The following RCAN2 variants were observed in gnomAD, a reference collection of about 807,000 sequenced individuals.
RCAN2 encodes the protein calcipressin-2.
A neutral mutation model predicts 23.6 loss-of-function variants in RCAN2; 9 were observed. That is an observed-to-expected ratio of 0.38 (90% CI 0.23 to 0.67). The LOEUF (loss-of-function observed/expected upper bound fraction) is 0.67. RCAN2 is among the 30% of genes least tolerant of loss of function. The pLI is 0.51. For missense variants in RCAN2, 273 were observed against 302.3 expected (o/e 0.90, Z 0.72); for synonymous variants, 109 against 115.7 (o/e 0.94, Z 0.37).
intron 2 of RCAN2, among the ~76,000 whole-genome samples, chr6:46,289,694 T>C (rs1762482104): frequency 6.6e-6 from 1 of 152,158 alleles, no homozygotes; most frequent in Non-Finnish European, 1.5e-5. Flanking sequence ...AAAATTCTTA[T>C]AAATCTATAT....
chr6:46,396,483 G>A (rs895459695), intron 2 of RCAN2, among the ~76,000 whole-genome samples: 17 of 152,088 alleles, frequency 1.1e-4, no homozygotes, highest in Admixed American at 8.5e-4. Flanking sequence ...CCTACCATTC[G>A]CTGGCACTGT....
chr6:46,294,213 C>T (rs1315326159), intron 2 of RCAN2, among the ~76,000 whole-genome samples: 2 of 152,070 alleles, frequency 1.3e-5, no homozygotes, highest in African/African-American at 2.4e-5. Context: ...AGATGATTCA[C>T]GGAATTTAAA....
At chr6:46,395,338 C>G (rs1483421210) in intron 2 of RCAN2, among the ~76,000 whole-genome samples, 1 of 152,082 alleles carries the variant, frequency 6.6e-6, no homozygotes, top group Non-Finnish European at 1.5e-5. Context: ...GAGAAATCAA[C>G]AAAGGAGCAA....
chr6:46,322,267 A>G (rs1245968428), intron 2 of RCAN2, among the ~76,000 whole-genome samples: 2 of 152,234 alleles, frequency 1.3e-5, no homozygotes, highest in African/African-American at 2.4e-5. Flanking sequence ...CAGTTCCCCT[A>G]TAGCATTTTC....
intron 2 of RCAN2, among the ~76,000 whole-genome samples, chr6:46,337,541 T>C (rs565141682): frequency 4.6e-5 from 7 of 152,352 alleles, no homozygotes; most frequent in Middle Eastern, 3.4e-3. Flanking sequence ...CGTACCATAT[T>C]TGGACCTGAA....
intron 2 of RCAN2, among the ~76,000 whole-genome samples, chr6:46,453,220 CTG>C (rs1743794228): frequency 6.6e-6 from 1 of 151,582 alleles, no homozygotes; most frequent in African/African-American, 2.4e-5. Context: ...GTGTTGGACA[CTG>C]TGAAGATCAC....
intron 1 of RCAN2, among the ~76,000 whole-genome samples, chr6:46,490,823 C>G (rs1056859492): frequency 6.6e-6 from 1 of 152,142 alleles, no homozygotes; most frequent in Non-Finnish European, 1.5e-5. Context: ...GTCATCCTCG[C>G]TCCTTCACTT....
chr6:46,247,456 G>A (rs1367836654), intron 3 of RCAN2, among the ~76,000 whole-genome samples: 1 of 152,086 alleles, frequency 6.6e-6, no homozygotes, highest in Non-Finnish European at 1.5e-5. Context: ...CACCTTAAAG[G>A]AACTCCTCTG....
chr6:46,243,949 G>C (rs1218104734), intron 4 of RCAN2, among the ~76,000 whole-genome samples: 1 of 152,128 alleles, frequency 6.6e-6, no homozygotes, highest in Admixed American at 6.6e-5. Context: ...GCCAGCTGGC[G>C]GAGTGTGAAG....
At chr6:46,436,437 A>G (rs1214689988) in intron 2 of RCAN2, among the ~76,000 whole-genome samples, 1 of 151,844 alleles carries the variant, frequency 6.6e-6, no homozygotes, top group East Asian at 1.9e-4. Flanking sequence ...CTGGTTTCGA[A>G]CTCCTGACCT....
intron 2 of RCAN2, among the ~76,000 whole-genome samples, chr6:46,337,311 A>G (rs1764175859): frequency 6.6e-6 from 1 of 152,204 alleles, no homozygotes; most frequent in South Asian, 2.1e-4. Context: ...CTAGAAGCAG[A>G]TTCCTTTTCA....
chr6:46,398,704 G>C (rs1441791403), intron 2 of RCAN2, among the ~76,000 whole-genome samples: 3 of 152,022 alleles, frequency 2.0e-5, no homozygotes, highest in Non-Finnish European at 2.9e-5. Flanking sequence ...AAAATTTGCA[G>C]AATTTCCACT....
At chr6:46,247,306 C>A (rs539071377) in intron 3 of RCAN2, among the ~76,000 whole-genome samples, 26 of 152,304 alleles carry the variant, frequency 1.7e-4, no homozygotes, top group African/African-American at 6.3e-4. Context: ...TTCTCTCCTT[C>A]TCTCTTTTCC....
At chr6:46,420,107 T>C (rs1056309000) in intron 2 of RCAN2, among the ~76,000 whole-genome samples, 6 of 151,946 alleles carry the variant, frequency 3.9e-5, no homozygotes, top group Non-Finnish European at 5.9e-5. Context: ...AGTTTTCCTA[T>C]GAAGTTAGGA....
chr6:46,318,759 A>C (rs1185707446), intron 2 of RCAN2, among the ~76,000 whole-genome samples: 1 of 152,212 alleles, frequency 6.6e-6, no homozygotes, highest in African/African-American at 2.4e-5. Context: ...TTATACATAC[A>C]TTTGCACATG....
intron 2 of RCAN2, among the ~76,000 whole-genome samples, chr6:46,269,545 C>G (rs565311342): frequency 1.3e-5 from 2 of 152,332 alleles, no homozygotes; most frequent in African/African-American, 4.8e-5. Flanking sequence ...AGTTATGTAT[C>G]TTGCTGTTGG....
intron 1 of RCAN2, among the ~76,000 whole-genome samples, chr6:46,467,688 A>T (rs1768426838): frequency 6.6e-6 from 1 of 152,250 alleles, no homozygotes; most frequent in Non-Finnish European, 1.5e-5. Flanking sequence ...ACCATATGCA[A>T]TGTGGGAACC....
At chr6:46,366,457 C>T (rs1765174609) in intron 2 of RCAN2, among the ~76,000 whole-genome samples, 1 of 152,126 alleles carries the variant, frequency 6.6e-6, no homozygotes, top group Non-Finnish European at 1.5e-5. Flanking sequence ...TCCTTATTTC[C>T]AGTGACAAGG....
At chr6:46,382,401 A>G (rs1582157011) in intron 2 of RCAN2, among the ~76,000 whole-genome samples, 1 of 152,214 alleles carries the variant, frequency 6.6e-6, no homozygotes, top group East Asian at 1.9e-4. Context: ...GCTAAGTCCT[A>G]GAACCCTTAG....
Sources: gnomAD v4.1 joint callset for allele counts (sites outside exome capture counted in the v4.1 genomes callset) on GRCh38, gnomAD v4.1.1 for gene constraint, MANE v1.5 for transcripts, NCBI Gene and HGNC (gene_info 2026-07-23, HGNC 2026-07-21) for gene names.